ANKS1B: variants seen among roughly 807,000 people sequenced by gnomAD.
ANKS1B encodes ankyrin repeat and sterile alpha motif domain containing 1B.
In ANKS1B, 36 loss-of-function variants were observed where a neutral mutation model predicts 148.3. That is an observed-to-expected ratio of 0.24 (90% CI 0.19 to 0.32). The LOEUF (loss-of-function observed/expected upper bound fraction) is 0.32, where lower values mean the gene tolerates loss of function less well. ANKS1B is among the 10% of genes least tolerant of loss of function. The pLI, the probability that ANKS1B is intolerant of heterozygous loss-of-function variation, is 1.00. For missense variants in ANKS1B, 1,157 were observed against 1,542.6 expected, an observed-to-expected ratio of 0.75 and a Z score of 4.19; for synonymous variants, 542 against 560.8, an observed-to-expected ratio of 0.97 and a Z score of 0.47.
intron 19 of ANKS1B, among the ~76,000 whole-genome samples, chr12:98,810,297 A>G (rs1194576127): frequency 1.3e-5 from 2 of 152,226 alleles, no homozygotes; most frequent in Non-Finnish European, 2.9e-5. Flanking sequence ...TAACTGTAAT[A>G]TATCTACATG....
intron 20 of ANKS1B, among the ~76,000 whole-genome samples, chr12:98,802,718 G>A (rs1328447971): frequency 7.0e-6 from 1 of 142,290 alleles, no homozygotes; most frequent in Non-Finnish European, 1.5e-5. Flanking sequence ...TATTTCCTTG[G>A]CTTCTCACTG....
At chr12:99,203,442 C>A (rs542571031) in intron 14 of ANKS1B, among the ~76,000 whole-genome samples, 2 of 151,864 alleles carry the variant, frequency 1.3e-5, no homozygotes, top group African/African-American at 4.8e-5. Flanking sequence ...TCTGTTAAGA[C>A]CTGCTTCTTT....
At chr12:99,186,432 C>T (rs2079867280) in intron 14 of ANKS1B, among the ~76,000 whole-genome samples, 1 of 152,150 alleles carries the variant, frequency 6.6e-6, no homozygotes, top group Admixed American at 6.5e-5. Context: ...GACACCCATG[C>T]CTCCTGACTG....
intron 16 of ANKS1B, among the ~76,000 whole-genome samples, chr12:99,071,646 T>C (rs56185340): frequency 0.32 from 13,776 of 43,292 alleles, 1,539 homozygotes; most frequent in African/African-American, 0.45. Context: ...ATCTCTCTCT[T>C]TTTTTTTTTT....
Position 99,466,597 on chromosome 12 carries a change from T to C in ANKS1B, c.1439-22788A>G, listed in dbSNP as rs549156308. On this transcript the variant is annotated intron_variant, in intron 10 of 26. Transcript: ENST00000683438. ...ATCAAATAGATGCAATAAAAAATGA[T>C]AAAGGGGATATCACCACCGATCCCA... is the stretch of plus-strand genomic sequence containing the variant. Among the ~76,000 whole-genome samples, 30 of 149,804 alleles carry C rather than the reference T, an allele frequency of 2.0e-4. No homozygotes were observed. In the South Asian group the frequency reaches 4.8e-3, roughly 24 times the overall value.
At chr12:98,860,297 C>T (rs1260431837) in intron 17 of ANKS1B, among the ~76,000 whole-genome samples, 1 of 152,222 alleles carries the variant, frequency 6.6e-6, no homozygotes, top group African/African-American at 2.4e-5. Flanking sequence ...TGTCCTGTGT[C>T]AGCTCTTCAA....
At chr12:99,418,882 T>A (rs2094994474) in intron 11 of ANKS1B, among the ~76,000 whole-genome samples, 2 of 152,238 alleles carry the variant, frequency 1.3e-5, no homozygotes, top group Admixed American at 6.5e-5. Context: ...TGTTGAATTT[T>A]GTTGAATGCT....
chr12:98,886,625 C>A (rs2152568377), intron 17 of ANKS1B, among the ~76,000 whole-genome samples: 1 of 152,262 alleles, frequency 6.6e-6, no homozygotes, highest in Non-Finnish European at 1.5e-5. Flanking sequence ...GTGGAAAATT[C>A]TTAAGCAGAC....
At chr12:98,858,973 G>C (rs1718321508) in intron 17 of ANKS1B, among the ~76,000 whole-genome samples, 1 of 152,312 alleles carries the variant, frequency 6.6e-6, no homozygotes. Context: ...GATTCTCTTA[G>C]GGTTGTTGTG....
intron 17 of ANKS1B, among the ~76,000 whole-genome samples, chr12:98,855,267 C>T (rs1367798264): frequency 6.6e-6 from 1 of 151,656 alleles, no homozygotes; most frequent in African/African-American, 2.4e-5. Flanking sequence ...ACAATTCTAA[C>T]AAAGGTACTC....
chr12:99,497,515 C>T lies in ANKS1B; in HGVS notation c.1438+6961G>A, dbSNP rs1191021485. On this transcript the variant is annotated intron_variant, in intron 10 of 26. Transcript: ENST00000683438. ...CTGTGAGGGAAGGATCTGTCCCAGG[C>T]CTCCTTGGTTTGCGAATGGCTGCCT... Among the ~76,000 whole-genome samples the T allele has an allele frequency of 2.0e-5, 3 of 152,214 alleles. No homozygotes were observed. The East Asian group carries it at 5.8e-4, about 29-fold the overall frequency.
At chr12:99,366,963 A>C (rs1046294312) in intron 12 of ANKS1B, among the ~76,000 whole-genome samples, 1 of 152,196 alleles carries the variant, frequency 6.6e-6, no homozygotes, top group African/African-American at 2.4e-5. Flanking sequence ...GTGTTTCTAA[A>C]GCTCAGCACT....
At chr12:99,395,208 C>T (rs2094205342) in intron 12 of ANKS1B, among the ~76,000 whole-genome samples, 1 of 152,112 alleles carries the variant, frequency 6.6e-6, no homozygotes, top group African/African-American at 2.4e-5. Flanking sequence ...GTTCCCTCTC[C>T]CCATCCATGA....
intron 1 of ANKS1B, among the ~76,000 whole-genome samples, chr12:99,839,112 G>A (rs2085301078): frequency 6.6e-6 from 1 of 152,110 alleles, no homozygotes. Context: ...ACAGTAGCAT[G>A]TGCCTATAGT....
intron 11 of ANKS1B, among the ~76,000 whole-genome samples, chr12:99,407,481 A>C (rs1402859576): frequency 6.9e-6 from 1 of 145,134 alleles, no homozygotes; most frequent in Non-Finnish European, 1.5e-5. Flanking sequence ...CACTTTCAGC[A>C]CTCTTATTCA....
chr12:99,695,642 C>A (rs1185415392), intron 8 of ANKS1B, among the ~76,000 whole-genome samples: 1 of 152,124 alleles, frequency 6.6e-6, no homozygotes, highest in Non-Finnish European at 1.5e-5. Flanking sequence ...ATAAACCAAA[C>A]ACCGCATGTT....
intron 17 of ANKS1B, among the ~76,000 whole-genome samples, chr12:98,999,870 G>C (rs115923712): frequency 6.6e-6 from 1 of 152,122 alleles, no homozygotes; most frequent in African/African-American, 2.4e-5. Flanking sequence ...AACAATTCTC[G>C]TTTCATTCTC....
At chr12:98,997,705 T>G (rs2099930549) in intron 17 of ANKS1B, among the ~76,000 whole-genome samples, 1 of 152,158 alleles carries the variant, frequency 6.6e-6, no homozygotes, top group Admixed American at 6.5e-5. Context: ...CTTCAAAATT[T>G]TTAAACATTT....
chr12:99,825,544 G>C (rs547234424), intron 1 of ANKS1B, among the ~76,000 whole-genome samples, 155 bp from the exon 2 acceptor site: 1 of 152,244 alleles, frequency 6.6e-6, no homozygotes, highest in African/African-American at 2.4e-5. Flanking sequence ...ATTCCCCTCA[G>C]AACATCAACT....
Sources: gnomAD v4.1 joint callset for allele counts (sites outside exome capture counted in the v4.1 genomes callset) on GRCh38, gnomAD v4.1.1 for gene constraint, MANE v1.5 for transcripts, NCBI Gene and HGNC (gene_info 2026-07-23, HGNC 2026-07-21) for gene names.